Variants in IL1RAPL2 observed in about 807,000 individuals in gnomAD.
The protein encoded by IL1RAPL2 is interleukin 1 receptor accessory protein like 2.
IL1RAPL2 carries 3 observed loss-of-function variants against 44.1 expected under a neutral mutation model. That is an observed-to-expected ratio of 0.07 (90% CI 0.03 to 0.18). The LOEUF (loss-of-function observed/expected upper bound fraction) is 0.18. IL1RAPL2 is among the 10% of genes least tolerant of loss of function. The probability of loss-of-function intolerance (pLI) is 1.00; values close to 1 mark genes in which losing one functional copy is unlikely to be tolerated. For missense variants in IL1RAPL2, 391 were observed against 496.4 expected (o/e 0.79, Z 2.02); for synonymous variants, 181 against 178.8 (o/e 1.01, Z -0.10).
At chrX:105,259,788 T>A (rs768486268) in intron 4 of IL1RAPL2, among the ~76,000 whole-genome samples, 1 of 111,681 alleles carries the variant, frequency 9.0e-6, no homozygotes, top group South Asian at 3.8e-4. Context: ...AGGTTTTCAG[T>A]TGTCCTTGGA....
chrX:105,523,293 C>T (rs1008693143), intron 6 of IL1RAPL2, among the ~76,000 whole-genome samples: 4 of 111,418 alleles, frequency 3.6e-5, no homozygotes, highest in African/African-American at 1.3e-4. Flanking sequence ...ATCCTGGTTC[C>T]ACCATTTACT....
intron 2 of IL1RAPL2, among the ~76,000 whole-genome samples, chrX:104,939,711 TGAATG>T (rs913298798): frequency 8.9e-6 from 1 of 111,846 alleles, no homozygotes; most frequent in African/African-American, 3.3e-5. Flanking sequence ...TATCAACAGA[TGAATG>T]GATAAAGAAA....
intron 2 of IL1RAPL2, among the ~76,000 whole-genome samples, chrX:104,698,038 A>T (rs1466041760): frequency 8.9e-6 from 1 of 111,939 alleles, no homozygotes; most frequent in Non-Finnish European, 1.9e-5. Context: ...GGTTGGCAGG[A>T]TTCAGTTTCT....
chrX:104,650,508 C>T (rs771388893), intron 1 of IL1RAPL2, among the ~76,000 whole-genome samples: 2 of 110,843 alleles, frequency 1.8e-5, no homozygotes, highest in African/African-American at 3.3e-5. Context: ...TATTTCAGGC[C>T]GACTGATGCT....
intron 5 of IL1RAPL2, among the ~76,000 whole-genome samples, chrX:105,307,572 A>G (rs12558421): frequency 1.8e-4 from 8 of 43,836 alleles, no homozygotes; most frequent in African/African-American, 1.0e-3. Flanking sequence ...TATATATATT[A>G]TATATAATAT....
intron 2 of IL1RAPL2, among the ~76,000 whole-genome samples, chrX:104,951,418 T>G (rs1198780745): frequency 8.9e-6 from 1 of 112,351 alleles, no homozygotes. Context: ...TTCTATTTTT[T>G]CTTTTGTAAA....
At chrX:105,114,938 A>C (rs1265854854) in intron 2 of IL1RAPL2, among the ~76,000 whole-genome samples, 2 of 111,862 alleles carry the variant, frequency 1.8e-5, no homozygotes, top group Non-Finnish European at 3.8e-5. Context: ...CATGCCAACT[A>C]TCTTATATAG....
At chrX:105,436,946 T>G (rs1316158289) in intron 5 of IL1RAPL2, among the ~76,000 whole-genome samples, 1 of 108,190 alleles carries the variant, frequency 9.2e-6, no homozygotes, top group Non-Finnish European at 1.9e-5. Context: ...TCTTGAAATC[T>G]TAACTTCTTA....
intron 2 of IL1RAPL2, among the ~76,000 whole-genome samples, chrX:105,105,916 T>G (rs1321198162): frequency 2.7e-5 from 3 of 111,542 alleles, no homozygotes; most frequent in African/African-American, 9.8e-5. Flanking sequence ...CCCTCAGCTT[T>G]GTAGTCCGCC....
At chrX:105,288,004 T>C (rs1439651229) in intron 5 of IL1RAPL2, among the ~76,000 whole-genome samples, 1 of 111,048 alleles carries the variant, frequency 9.0e-6, no homozygotes, top group African/African-American at 3.3e-5. Context: ...GATAGAGGAA[T>C]GCCAAGAGTG....
At chrX:105,039,666 A>G (rs2031687806) in intron 2 of IL1RAPL2, among the ~76,000 whole-genome samples, 1 of 110,968 alleles carries the variant, frequency 9.0e-6, no homozygotes, top group South Asian at 3.8e-4. Flanking sequence ...GAGTTCACTC[A>G]TGATTTGGAT....
chrX:104,707,155 A>G (rs968825207), intron 2 of IL1RAPL2, among the ~76,000 whole-genome samples: 13 of 111,348 alleles, frequency 1.2e-4, no homozygotes, highest in African/African-American at 4.2e-4. Flanking sequence ...TTTGGCAGAT[A>G]TCACCGAATC....
chrX:104,884,240 C>A (rs1388718350), intron 2 of IL1RAPL2, among the ~76,000 whole-genome samples: 3 of 111,734 alleles, frequency 2.7e-5, no homozygotes, highest in African/African-American at 9.8e-5. Context: ...GCCACTAAAT[C>A]AGACCTTCCT....
intron 5 of IL1RAPL2, among the ~76,000 whole-genome samples, chrX:105,325,217 C>A (rs959531181): frequency 9.1e-5 from 10 of 110,383 alleles, no homozygotes; most frequent in African/African-American, 3.0e-4. Flanking sequence ...ATTTTTTCAG[C>A]CCCAGGCTAC....
intron 5 of IL1RAPL2, among the ~76,000 whole-genome samples, chrX:105,312,274 C>A (rs1169802599): frequency 4.5e-5 from 5 of 111,932 alleles, no homozygotes; most frequent in African/African-American, 1.3e-4. Flanking sequence ...GCTGAAGCAG[C>A]AAGATGCAGC....
At chrX:104,765,353 G>A (rs889469811) in intron 2 of IL1RAPL2, among the ~76,000 whole-genome samples, 1 of 111,717 alleles carries the variant, frequency 9.0e-6, no homozygotes, top group Admixed American at 9.5e-5. Context: ...TCCAAAAAAC[G>A]TTTGAATCTT....
At chrX:105,109,055 T>C (rs1263801012) in intron 2 of IL1RAPL2, among the ~76,000 whole-genome samples, 1 of 111,913 alleles carries the variant, frequency 8.9e-6, no homozygotes, top group Non-Finnish European at 1.9e-5. Flanking sequence ...CTTTCTTACA[T>C]TTCAGATTTC....
intron 5 of IL1RAPL2, among the ~76,000 whole-genome samples, chrX:105,361,408 T>G (rs2035246695): frequency 9.0e-6 from 1 of 111,445 alleles, no homozygotes; most frequent in Admixed American, 9.6e-5. Context: ...TTTATTGATA[T>G]AATATTTATA....
chrX:104,905,314 C>A (rs1305051929), intron 2 of IL1RAPL2, among the ~76,000 whole-genome samples: 2 of 111,402 alleles, frequency 1.8e-5, no homozygotes, highest in African/African-American at 6.5e-5. Flanking sequence ...TTAATTAGAT[C>A]CCATTTGTCA....
Sources: allele counts gnomAD v4.1 joint callset (sites outside exome capture counted in the v4.1 genomes callset), GRCh38; gene constraint gnomAD v4.1.1; transcripts MANE v1.5; gene names NCBI Gene and HGNC (gene_info 2026-07-23, HGNC 2026-07-21).